The following MACF1 variants were observed in gnomAD, a reference collection of about 807,000 sequenced individuals.
MACF1 encodes microtubule-actin cross-linking factor 1.
MACF1 carries 193 observed loss-of-function variants against 854.8 expected under a neutral mutation model. That is an observed-to-expected ratio of 0.23 (90% CI 0.20 to 0.25). The LOEUF (loss-of-function observed/expected upper bound fraction) is 0.25, where lower values mean the gene tolerates loss of function less well. Ranked by LOEUF, MACF1 falls within the 10% of genes least tolerant of loss-of-function variation. The pLI, the probability that MACF1 is intolerant of heterozygous loss-of-function variation, is 1.00. For synonymous variants in MACF1, 3,185 were observed against 3,226.7 expected (o/e 0.99, Z 0.44); for missense variants, 7,722 against 8,929.1 (o/e 0.86, Z 5.45).
chr1:39,333,084 A>T lies in MACF1; in HGVS notation c.6496A>T (p.Thr2166Ser). 6.2e-7 allele frequency: 1 copy of T among 1,614,114 alleles called. No homozygotes were observed. Among genetic ancestry groups the T allele is most frequent in the Admixed American group, 1.7e-5 (1 of 60,024 alleles). ...GAAAGAACATCAACCTCTAAGAAAC[A>T]CTTCCTTTACATGTCAGAATGAACA... Reference protein sequence around the residue: ...PKKEHQPLRNTSFTCQNEQAH... With the variant: ...PKKEHQPLRNSSFTCQNEQAH... The change falls in exon 37 of 101, where the codon ACT becomes TCT. Residue 2166 changes from threonine to serine, a missense_variant. By Grantham distance (58) the Thr-to-Ser change is moderately conservative (BLOSUM62 1). This residue lies in a region of MACF1 where 1,531 missense variants were observed against 1,601.6 expected (regional missense o/e 0.96). Transcript: ENST00000564288.
chr1:39,470,131 T>G (rs1388376000), intron 97 of MACF1, among the ~76,000 whole-genome samples: 1 of 152,252 alleles, frequency 6.6e-6, no homozygotes, highest in Non-Finnish European at 1.5e-5. Context: ...TTAAGGTTTA[T>G]TTATAAACCT....
intron 2 of MACF1, among the ~76,000 whole-genome samples, chr1:39,232,746 G>GTTTTTTTTTTTTGTTTTTTT (rs1644793857): frequency 1.6e-5 from 2 of 128,486 alleles, no homozygotes; most frequent in Non-Finnish European, 1.7e-5. Context: ...TACTCTCTTT[G>GTTTTTTTTTTTTGTTTTTTT]TTTTTTTTTT....
intron 28 of MACF1, 32 bp from the exon 29 acceptor site, chr1:39,317,182 T>C (rs1426619843): frequency 6.2e-7 from 1 of 1,603,680 alleles, no homozygotes; most frequent in African/African-American, 1.3e-5. Context: ...ATGGAAAGTA[T>C]ACAACCTGTT....
intron 1 of MACF1, among the ~76,000 whole-genome samples, chr1:39,210,002 A>G (rs1476480999): frequency 6.6e-6 from 1 of 151,974 alleles, no homozygotes; most frequent in Non-Finnish European, 1.5e-5. Context: ...AGGTGGGAGA[A>G]TCACTTGAAC....
chr1:39,250,054 A>C lies in MACF1; in HGVS notation c.212A>C (p.Asp71Ala). ...HINDLYEDLR[D>A]GHNLISLLEV... Reference sequence around the variant, plus strand: ...AATGATCTTTATGAAGATCTGCGGGATGGCCATAACCTGATCTCTCTGTTG... The same window carrying C: ...AATGATCTTTATGAAGATCTGCGGGCTGGCCATAACCTGATCTCTCTGTTG... The change falls in exon 3 of 101, where the codon GAT (aspartate) becomes GCT (alanine). Residue 71 changes from aspartate to alanine, a missense_variant. Asp to Ala is a moderately radical substitution (Grantham distance 126). Coordinates refer to ENST00000564288, the MANE Select transcript of MACF1 (RefSeq NM_001394062.1). 6.2e-7 allele frequency: 1 copy of C among 1,613,842 alleles called. No individual in the cohort carries two copies. Among genetic ancestry groups the C allele is most frequent in the Non-Finnish European group, 8.5e-7 (1 of 1,179,816 alleles).
intron 26 of MACF1, among the ~76,000 whole-genome samples, chr1:39,314,561 TCTCTCTCTCA>T (rs1243105173): frequency 2.3e-5 from 1 of 43,020 alleles, no homozygotes; most frequent in Non-Finnish European, 8.5e-5. Flanking sequence ...TCTCTCTCTC[TCTCTCTCTCA>T]CACACACACA....
chr1:39,327,348 CA>C lies in MACF1; in HGVS notation c.4613del (p.Lys1538ArgfsTer9). The stretch of plus-strand genomic sequence containing the variant: ...GAGCCAGTTGGCTCACCAGACAGAA[CA>C]AAAGGTACTTTTAGTTTTCATCTCC... Reference protein sequence around the residue: ...LQSQLAHQTEQKECRAVAGVI... With the variant: ...LQSQLAHQTEXKECRAVAGVI... On this transcript the variant is annotated frameshift_variant, in exon 36 of 101. Coordinates refer to ENST00000564288, the MANE Select transcript of MACF1 (RefSeq NM_001394062.1). LOFTEE classifies it high-confidence loss of function. 1 of 1,592,362 alleles carries C rather than the reference CA, an allele frequency of 6.3e-7. No individual in the cohort carries two copies. Among genetic ancestry groups the C allele is most frequent in the South Asian group, 1.1e-5 (1 of 89,212 alleles).
chr1:39,170,359 T>G (rs901830217), intron 2 of MACF1, among the ~76,000 whole-genome samples: 1 of 152,200 alleles, frequency 6.6e-6, no homozygotes, highest in African/African-American at 2.4e-5. Context: ...AGAGCACTTA[T>G]AAAATGTGGT....
chr1:39,291,840 C>T, intron 15 of MACF1, 70 bp from the exon 16 acceptor site: 1 of 1,521,606 alleles, frequency 6.6e-7, no homozygotes, highest in Non-Finnish European at 8.8e-7. Context: ...CTTGTCCTAA[C>T]ATTGGTTCTG....
At chr1:39,402,117 CA>C (rs1642500527) in intron 58 of MACF1, among the ~76,000 whole-genome samples, 1 of 152,162 alleles carries the variant, frequency 6.6e-6, no homozygotes, top group Non-Finnish European at 1.5e-5. Context: ...GAGGCTGAGG[CA>C]GGAGAATCGC....
intron 2 of MACF1, among the ~76,000 whole-genome samples, chr1:39,147,622 C>G (rs1643497418): frequency 6.6e-6 from 1 of 151,938 alleles, no homozygotes; most frequent in African/African-American, 2.4e-5. Flanking sequence ...CAGGCTCAAG[C>G]TCTCCTCCTG....
At position 39,357,872 on chromosome 1, in the gene MACF1, A is replaced by G; in HGVS notation, c.11922A>G (p.Arg3974=). The G allele has an allele frequency of 1.9e-6, 3 of 1,612,946 alleles. No homozygotes were observed. Among genetic ancestry groups the G allele is most frequent in the Non-Finnish European group, 2.5e-6 (3 of 1,179,456 alleles). Residue 3974 remains arginine (R), a synonymous_variant, in exon 45 of 101, where the codon AGA becomes AGG. Transcript: ENST00000564288. ...ACAAGTTGAAGGATGCAACAGAAAGATACACTGCTCTCCACTCAAAGGTAA... is the reference window on the plus strand; with the variant it reads ...ACAAGTTGAAGGATGCAACAGAAAGGTACACTGCTCTCCACTCAAAGGTAA... ...VKDKLKDATE[R]YTALHSKCTR...
At chr1:39,481,883 T>G (rs139144248) in intron 99 of MACF1, among the ~76,000 whole-genome samples, 28 of 152,260 alleles carry the variant, frequency 1.8e-4, no homozygotes, top group Middle Eastern at 6.8e-3. Context: ...AGCTGCTGTT[T>G]TGAGGTTCAT....
chr1:39,359,080 TTCCTAGAA>T, intron 46 of MACF1, 53 bp from the exon 47 acceptor site: 1 of 1,597,310 alleles, frequency 6.3e-7, no homozygotes, highest in Non-Finnish European at 8.6e-7. Context: ...TAGCTCCGGA[TTCCTAGAA>T]TCATCTTTGA....
intron 6 of MACF1, chr1:39,268,784 T>A (rs1369777635): frequency 7.8e-7 from 1 of 1,289,756 alleles, no homozygotes; most frequent in Admixed American, 2.3e-5. Flanking sequence ...AGAAAAGGGT[T>A]CGGTTCAAAA....
At chr1:39,214,370 G>A (rs568034147) in intron 1 of MACF1, among the ~76,000 whole-genome samples, 66 of 152,262 alleles carry the variant, frequency 4.3e-4, no homozygotes, top group Admixed American at 9.8e-4. Context: ...CCAGTGTCTG[G>A]TACAATTAGC....
At chr1:39,385,316 C>G in intron 56 of MACF1, 118 bp from the exon 57 acceptor site, 1 of 1,110,888 alleles carries the variant, frequency 9.0e-7, no homozygotes, top group Non-Finnish European at 1.3e-6. Context: ...GATCCTCCCA[C>G]CTCGGCCTCC....
intron 20 of MACF1, 73 bp downstream of exon 20, chr1:39,295,955 G>A (rs1285373682): frequency 3.6e-5 from 47 of 1,311,540 alleles, no homozygotes; most frequent in African/African-American, 7.4e-5. Flanking sequence ...ACACATCTGC[G>A]TTAGTGTGCT....
chr1:39,412,848 T>C (rs1177579223), intron 58 of MACF1: 11 of 1,611,500 alleles, frequency 6.8e-6, no homozygotes, highest in Non-Finnish European at 9.3e-6. Flanking sequence ...CCTCAATTGC[T>C]GCAGTGCCTG....
Sources: gnomAD v4.1 joint callset for allele counts (sites outside exome capture counted in the v4.1 genomes callset) on GRCh38, gnomAD v4.1.1 for gene constraint, gnomAD v4.1.1 regional missense constraint, MANE v1.5 for transcripts, NCBI Gene and HGNC (gene_info 2026-07-23, HGNC 2026-07-21) for gene names.